The following FMNL3 variants were observed in gnomAD, a reference collection of about 807,000 sequenced individuals.
FMNL3 encodes formin like 3, also known as formin-like protein 3.
A neutral mutation model predicts 119.6 loss-of-function variants in FMNL3; 57 were observed. The observed-to-expected ratio is 0.48, with a 90% confidence interval of 0.39 to 0.59. The LOEUF (loss-of-function observed/expected upper bound fraction) is 0.59. FMNL3 is among the 20% of genes least tolerant of loss of function. The pLI is 0.00. For synonymous variants in FMNL3, 491 were observed against 507.3 expected, an observed-to-expected ratio of 0.97 and a Z score of 0.43; for missense variants, 1,053 against 1,323.5, an observed-to-expected ratio of 0.80 and a Z score of 3.17.
In FMNL3 at chr12:49,647,144, T is replaced by G. The variant is rs1761804973; in HGVS notation, c.2871+132A>C. ...TCCCCAAAGGCCCTCCCTCCATCCC[T>G]CTGGATGCCAGCCCACTGGCCCTCT... On this transcript the variant is annotated intron_variant, in intron 24 of 25. Coordinates refer to ENST00000335154, the MANE Select transcript of FMNL3 (RefSeq NM_175736.5). This position sits in a 1 kb window ranked among gnomAD's most constrained non-coding sequence, Gnocchi z 4.9. The G allele has an allele frequency of 2.6e-6, 4 of 1,553,000 alleles. No individual in the cohort carries two copies. The African/African-American group carries it at 5.4e-5, about 21-fold the overall frequency.
rs376956404 is a variant in FMNL3, at chr12:49,653,216, G to T, written c.1323+10C>A. 5.0e-5 allele frequency: 80 copies of T among 1,612,994 alleles called. No homozygotes were observed. Among genetic ancestry groups the T allele is most frequent in the South Asian group, 4.0e-4 (36 of 91,076 alleles). On this transcript the variant is annotated intron_variant, in intron 13 of 25. Coordinates refer to ENST00000335154, the MANE Select transcript of FMNL3 (RefSeq NM_175736.5). The stretch of plus-strand genomic sequence containing the variant: ...TCAGTCAGGGACTGCCTTCCCCAGA[G>T]TACTTGTACCTTGATGCTCTCTAGT...
intron 1 of FMNL3, among the ~76,000 whole-genome samples, chr12:49,679,962 A>G (rs976664736): frequency 3.9e-5 from 6 of 152,240 alleles, no homozygotes; most frequent in African/African-American, 1.2e-4. Context: ...AGACCCTTCA[A>G]TTGCAAGATT....
intron 17 of FMNL3, 136 bp downstream of exon 17, chr12:49,650,540 C>T: frequency 1.0e-6 from 1 of 988,226 alleles, no homozygotes; most frequent in Non-Finnish European, 1.5e-6. Flanking sequence ...TAAATTCTAG[C>T]CAAGCCAGTG....
chr12:49,692,538 G>A (rs1944633451), intron 1 of FMNL3, among the ~76,000 whole-genome samples: 1 of 152,050 alleles, frequency 6.6e-6, no homozygotes, highest in Non-Finnish European at 1.5e-5. Flanking sequence ...TATTTTTCTA[G>A]GCCTTTTTTC....
chr12:49,651,266 T>A lies in FMNL3; in HGVS notation c.1699A>T (p.Thr567Ser), dbSNP rs749359862. The part of the protein sequence containing the change: ...SAIRIKKPIK[T>S]KFRLPVFNWT... ...TTGAAGACAGGCAGCCGGAACTTGG[T>A]CTTGATAGGTTTCTTAATTCGAATG... is the stretch of plus-strand genomic sequence containing the variant. Residue 567 changes from threonine to serine, a missense_variant, in exon 16 of 26, where the codon ACC becomes TCC. Around this residue, in one of 4 missense-constraint regions of FMNL3, gnomAD observed 445 missense variants for 628.4 expected, o/e 0.71. Transcript: ENST00000335154. 4 of 1,612,894 alleles carry A rather than the reference T, an allele frequency of 2.5e-6. No individual in the cohort carries two copies. In the Middle Eastern group the frequency reaches 5.0e-4, roughly 200 times the overall value.
At position 49,673,755 on chromosome 12, in the gene FMNL3, C is replaced by A. The variant is rs1171343867; in HGVS notation, c.127-5201G>T. Among the ~76,000 whole-genome samples, 4 of 152,406 alleles carry A rather than the reference C, an allele frequency of 2.6e-5. No homozygotes were observed. The East Asian group carries it at 7.7e-4, about 29-fold the overall frequency. Reference sequence around the variant, plus strand: ...AGCAGGGCGGGAGTCCTCCTCCACCCAGCCCGCCCAGACGGCAGGCCAGCC... The same window carrying A: ...AGCAGGGCGGGAGTCCTCCTCCACCAAGCCCGCCCAGACGGCAGGCCAGCC... On this transcript the variant is annotated intron_variant, in intron 1 of 25. Transcript: ENST00000335154.
intron 1 of FMNL3, among the ~76,000 whole-genome samples, chr12:49,705,780 G>A (rs985476103): frequency 6.6e-6 from 1 of 152,222 alleles, no homozygotes. Flanking sequence ...GCAGAGAGGT[G>A]CCAGCGACAC....
Position 49,642,995 on chromosome 12 carries a change from C to T in FMNL3, c.*2820G>A. The T allele has an allele frequency of 1.2e-6, 2 of 1,613,840 alleles. No individual in the cohort carries two copies. Among genetic ancestry groups the T allele is most frequent in the Non-Finnish European group, 1.7e-6 (2 of 1,179,880 alleles). On this transcript the variant is annotated 3_prime_UTR_variant, in exon 26 of 26. Coordinates refer to ENST00000335154, the MANE Select transcript of FMNL3 (RefSeq NM_175736.5). This position sits in a 1 kb window ranked among gnomAD's most constrained non-coding sequence, Gnocchi z 5.8. ...GCAGGAAAGGCAAGAAGCACCATCA[C>T]AAGCGTTCCCACTCACCCTCAGTGA...
chr12:49,642,502 C>T lies in FMNL3; in HGVS notation c.*3313G>A. ...GTTCCCTTCCTTTCTCTGCCCCAGCCCTGCCCTGTGCTCATGGCGGTGTCC... is the reference window on the plus strand; with the variant it reads ...GTTCCCTTCCTTTCTCTGCCCCAGCTCTGCCCTGTGCTCATGGCGGTGTCC... On this transcript the variant is annotated 3_prime_UTR_variant, in exon 26 of 26. Transcript: ENST00000335154. This position sits in a 1 kb window ranked among gnomAD's most constrained non-coding sequence, Gnocchi z 5.8. The T allele has an allele frequency of 6.3e-7, 1 of 1,584,386 alleles. No individual in the cohort carries two copies. The highest frequency in any genetic ancestry group is 8.7e-7 in the Non-Finnish European group (1 of 1,154,722).
Position 49,640,831 on chromosome 12 carries a change from G to GA in FMNL3, c.*4983dup, listed in dbSNP as rs751937140. The GA allele has an allele frequency of 6.6e-6, 1 of 152,216 alleles. No homozygotes were observed. The highest frequency in any genetic ancestry group is 2.4e-5 in the African/African-American group (1 of 41,440). 9.4% of individuals were successfully genotyped at this position (152,216 alleles called of 1,614,324 possible). A position where few individuals can be genotyped will look rare whatever the true frequency, so the allele number is the denominator to read the frequency against. On this transcript the variant is annotated 3_prime_UTR_variant, in exon 26 of 26. Transcript: ENST00000335154. Reference sequence around the variant, plus strand: ...GCTTGATGAAGGGGAGAGCATGGTGGAAAGGATGTTCCAGGTTAGGTGAGG... The same window carrying GA: ...GCTTGATGAAGGGGAGAGCATGGTGGAAAAGGATGTTCCAGGTTAGGTGAGG...
chr12:49,637,704 G>A lies in FMNL3; in HGVS notation c.*8111C>T, dbSNP rs757345886. ...CCCAGGCCTTGGGAAGCTGCCGCCC[G>A]CCAGGCCCCCCTCCCTCCCTCCTTA... On this transcript the variant is annotated 3_prime_UTR_variant, in exon 26 of 26. Transcript: ENST00000335154. 2.6e-5 allele frequency: 22 copies of A among 840,072 alleles called. No individual in the cohort carries two copies. The highest frequency in any genetic ancestry group is 3.1e-5 in the Non-Finnish European group (17 of 553,222). The allele number at this position is 840,072 out of a possible 1,614,324, so 52.0% of individuals were successfully genotyped here.
At position 49,647,337 on chromosome 12, in the gene FMNL3, T is replaced by C; in HGVS notation, c.2810A>G (p.Lys937Arg). The change falls in exon 24 of 26, where the codon AAG (lysine) becomes AGG (arginine). Residue 937 changes from lysine (K) to arginine (R), a missense_variant. By Grantham distance (26) the Lys-to-Arg change is conservative. This residue lies in a region of FMNL3 where 324 missense variants were observed against 380.9 expected (regional missense o/e 0.85). Coordinates refer to ENST00000335154, the MANE Select transcript of FMNL3 (RefSeq NM_175736.5). The surrounding 1 kb of genome is among the most constrained non-coding windows in gnomAD (Gnocchi z 4.9). ...CTTCTCCCGCATTACCTCCTCCTGC[T>C]TCTTGCGGGCTTCATTCTCTTGTTC... ...EAEQENEARK[K>R]QEEVMREKQL... is the part of the protein sequence containing the mutation. 1.2e-6 allele frequency: 2 copies of C among 1,613,712 alleles called. No homozygotes were observed. The highest frequency in any genetic ancestry group is 1.6e-4 in the Middle Eastern group (1 of 6,062).
chr12:49,704,741 C>T (rs1375569161), intron 1 of FMNL3, among the ~76,000 whole-genome samples: 4 of 140,286 alleles, frequency 2.9e-5, no homozygotes, highest in African/African-American at 1.1e-4. Flanking sequence ...AAAAAAGAAG[C>T]TAATCTATAA....
intron 1 of FMNL3, among the ~76,000 whole-genome samples, chr12:49,672,509 A>G (rs1019834129): frequency 2.0e-5 from 3 of 152,260 alleles, no homozygotes; most frequent in African/African-American, 7.2e-5. Flanking sequence ...CTTCTCCAGC[A>G]AGGCTGCTCT....
intron 1 of FMNL3, among the ~76,000 whole-genome samples, chr12:49,699,020 C>A (rs919213454): frequency 6.6e-6 from 1 of 152,194 alleles, no homozygotes; most frequent in African/African-American, 2.4e-5. Context: ...GAAAAAGGTC[C>A]TCCCCTTCTT....
intron 1 of FMNL3, among the ~76,000 whole-genome samples, chr12:49,684,070 A>G (rs1696715505): frequency 6.6e-6 from 1 of 152,140 alleles, no homozygotes; most frequent in South Asian, 2.1e-4. Flanking sequence ...GCTTTATGTT[A>G]TAATTACATG....
In FMNL3 at chr12:49,651,237, C is replaced by G; in HGVS notation, c.1728G>C (p.Trp576Cys). 1 of 1,613,604 alleles carries G rather than the reference C, an allele frequency of 6.2e-7. No individual in the cohort carries two copies. The highest frequency in any genetic ancestry group is 2.2e-5 in the East Asian group (1 of 44,862). The change falls in exon 16 of 26, where the codon TGG (tryptophan) becomes TGC (cysteine). Residue 576 changes from tryptophan to cysteine, a missense_variant. Physicochemically the swap from Trp to Cys is radical, Grantham distance 215. This residue lies in a region of FMNL3 where 445 missense variants were observed against 628.4 expected (regional missense o/e 0.71). Coordinates refer to ENST00000335154, the MANE Select transcript of FMNL3 (RefSeq NM_175736.5). Reference protein sequence around the residue: ...KTKFRLPVFNWTALKPNQISG... With the variant: ...KTKFRLPVFNCTALKPNQISG... ...TGATCTGGTTGGGTTTCAGTGCTGT[C>G]CAGTTGAAGACAGGCAGCCGGAACT...
In FMNL3 at chr12:49,643,278, G is replaced by T. The variant is rs759534743; in HGVS notation, c.*2537C>A. On this transcript the variant is annotated 3_prime_UTR_variant, in exon 26 of 26. Transcript: ENST00000335154. Reference sequence around the variant, plus strand: ...CCACCATCTCTCCGGCCCCCCAAGCGGAGGAGGCGGAACCCCTCAGAGTCA... The same window carrying T: ...CCACCATCTCTCCGGCCCCCCAAGCTGAGGAGGCGGAACCCCTCAGAGTCA... 6.2e-7 allele frequency: 1 copy of T among 1,613,950 alleles called. No individual in the cohort carries two copies. The highest frequency in any genetic ancestry group is 1.7e-5 in the Admixed American group (1 of 59,962).
At chr12:49,650,928 A>G (rs1216674432) in intron 16 of FMNL3, 50 bp from the exon 17 acceptor site, 2 of 1,601,778 alleles carry the variant, frequency 1.2e-6, no homozygotes, top group Non-Finnish European at 1.7e-6. Flanking sequence ...ATACTAGTGG[A>G]GGACCTCATG....
Sources: gnomAD v4.1 joint callset for allele counts (sites outside exome capture counted in the v4.1 genomes callset) on GRCh38, gnomAD v4.1.1 for gene constraint, gnomAD v4.1.1 regional missense constraint, Gnocchi (gnomAD v3.1) non-coding constraint, MANE v1.5 for transcripts, NCBI Gene and HGNC (gene_info 2026-07-23, HGNC 2026-07-21) for gene names.